Variants in SCARF2 observed in about 807,000 individuals in gnomAD.
SCARF2 encodes the protein scavenger receptor expressed by endothelial cells 2 protein.
In SCARF2, 39 loss-of-function variants were observed where a neutral mutation model predicts 73.4. The ratio of observed to expected loss-of-function variants is 0.53; its 90% CI spans 0.41 to 0.69. The LOEUF (loss-of-function observed/expected upper bound fraction) is 0.69, where lower values mean the gene tolerates loss of function less well. Among genes scored for constraint, SCARF2 ranks in the 30% least tolerant of loss-of-function variants. The pLI is 0.00. For missense variants in SCARF2, 1,148 were observed against 1,303.5 expected (o/e 0.88, Z 1.84); for synonymous variants, 605 against 590.0 (o/e 1.03, Z -0.37).
Position 20,425,707 on chromosome 22 carries a change from C to T in SCARF2, c.2269G>A (p.Gly757Ser). ...GPGLLEPTDAGGPPRSAPEAA... is the reference protein window; with the variant it reads ...GPGLLEPTDASGPPRSAPEAA... ...TCGGGCGCGCTTCGCGGGGGACCGC[C>T]GGCGTCCGTGGGCTCCAAGAGGCCG... is the stretch of plus-strand genomic sequence containing the variant. Residue 757 changes from glycine to serine, a missense_variant, in exon 11 of 11, where the codon GGC (glycine) becomes AGC (serine). Gly to Ser is a moderately conservative substitution (Grantham distance 56). Coordinates refer to ENST00000622235, the MANE Select transcript of SCARF2 (RefSeq NM_182895.5). This position sits in a 1 kb window ranked among gnomAD's most constrained non-coding sequence, Gnocchi z 4.6. 1 of 1,228,478 alleles carries T rather than the reference C, an allele frequency of 8.1e-7. No individual in the cohort carries two copies. Among genetic ancestry groups the T allele is most frequent in the Non-Finnish European group, 1.0e-6 (1 of 987,444 alleles). The allele number at this position is 1,228,478 out of a possible 1,614,324, so 76.1% of individuals were successfully genotyped here.
Position 20,431,180 on chromosome 22 carries a change from C to G in SCARF2, c.692G>C (p.Cys231Ser). Reference protein sequence around the residue: ...PCEQQSGRCQCRERTFGARCD... With the variant: ...PCEQQSGRCQSRERTFGARCD... The stretch of plus-strand genomic sequence containing the variant: ...GCGCGCGCCGAACGTACGCTCGCGG[C>G]ACTGACAGCGGCCGCTCTGCTGCTC... The change falls in exon 4 of 11, where the codon TGC becomes TCC. Residue 231 changes from cysteine to serine, a missense_variant. Transcript: ENST00000622235. 2 of 1,564,734 alleles carry G rather than the reference C, an allele frequency of 1.3e-6. No individual in the cohort carries two copies. The highest frequency in any genetic ancestry group is 1.7e-6 in the Non-Finnish European group (2 of 1,163,962).
intron 1 of SCARF2, among the ~76,000 whole-genome samples, chr22:20,435,264 G>A (rs571510407): frequency 5.9e-5 from 9 of 152,276 alleles, no homozygotes; most frequent in Middle Eastern, 3.4e-3. Flanking sequence ...GAAAAAAGAC[G>A]CTGAGCTCTA....
intron 10 of SCARF2, among the ~76,000 whole-genome samples, chr22:20,427,057 G>C (rs2052586492): frequency 6.6e-6 from 1 of 152,168 alleles, no homozygotes. Flanking sequence ...GCTATCTGTG[G>C]ATCAAAGGCT....
In SCARF2 at chr22:20,431,482, T is replaced by TG; in HGVS notation, c.389dup (p.His131ThrfsTer43). 6.4e-7 allele frequency: 1 copy of TG among 1,573,246 alleles called. No homozygotes were observed. The highest frequency in any genetic ancestry group is 8.6e-7 in the Non-Finnish European group (1 of 1,168,276). ...CTGTCACGTCCTCGCACTGCCCGTG[T>TG]GGGTGGCAGCTACACAGCTCCTTGC... On this transcript the variant is annotated frameshift_variant, in exon 4 of 11. Transcript: ENST00000622235. LOFTEE classifies it high-confidence loss of function.
chr22:20,431,224 G>C lies in SCARF2; in HGVS notation c.648C>G (p.Ala216=). 6.4e-7 allele frequency: 1 copy of C among 1,561,048 alleles called. No homozygotes were observed. The highest frequency in any genetic ancestry group is 8.6e-7 in the Non-Finnish European group (1 of 1,161,820). Residue 216 remains alanine (A), a synonymous_variant, in exon 4 of 11, where the codon GCC becomes GCG. Transcript: ENST00000622235. ...GCTGCTCGCAGGGAGACGAGTTGCAGGCGCACTGGTTGTTGCAGCTGCGGC... is the reference window on the plus strand; with the variant it reads ...GCTGCTCGCAGGGAGACGAGTTGCACGCGCACTGGTTGTTGCAGCTGCGGC... The part of the protein sequence containing the change: ...WWGRSCNNQC[A]CNSSPCEQQS...
chr22:20,436,932 C>T (rs1296099895), intron 1 of SCARF2, among the ~76,000 whole-genome samples: 1 of 152,208 alleles, frequency 6.6e-6, no homozygotes, highest in Non-Finnish European at 1.5e-5. Flanking sequence ...TTGCGCGGCC[C>T]CTTCTTGCAC....
chr22:20,429,285 G>T lies in SCARF2; in HGVS notation c.1480C>A (p.Arg494Ser). The change falls in exon 9 of 11, where the codon CGC becomes AGC. Residue 494 changes from arginine (R) to serine (S), a missense_variant. Physicochemically the swap from Arg to Ser is moderately radical, Grantham distance 110 (BLOSUM62 -1). Transcript: ENST00000622235. The surrounding 1 kb of genome is among the most constrained non-coding windows in gnomAD (Gnocchi z 5.2). The stretch of plus-strand genomic sequence containing the variant: ...ATCCGGGGCAGCTTCATGCTGATGC[G>T]ACTGAAGCGCCCGCATAGTCGGTGC... ...APHRLCGRFS[R>S]ISMKLPRIPL... 6.2e-7 allele frequency: 1 copy of T among 1,613,024 alleles called. No individual in the cohort carries two copies. The highest frequency in any genetic ancestry group is 8.5e-7 in the Non-Finnish European group (1 of 1,179,796).
At chr22:20,431,666 C>T (rs879372483) in intron 3 of SCARF2, 79 bp downstream of exon 3, 46 of 1,511,206 alleles carry the variant, frequency 3.0e-5, no homozygotes, top group Non-Finnish European at 4.0e-5. Flanking sequence ...GCGGATCCGA[C>T]CCCGCCCCAC....
intron 10 of SCARF2, among the ~76,000 whole-genome samples, chr22:20,426,972 C>A (rs2052585607): frequency 6.6e-6 from 1 of 151,814 alleles, no homozygotes; most frequent in Non-Finnish European, 1.5e-5. Context: ...CTGAGTTGGT[C>A]ACCTGCCCGT....
chr22:20,429,545 G>A lies in SCARF2; in HGVS notation c.1415C>T (p.Pro472Leu). 6.2e-7 allele frequency: 1 copy of A among 1,612,846 alleles called. No homozygotes were observed. The highest frequency in any genetic ancestry group is 1.3e-5 in the African/African-American group (1 of 75,042). ...GCCCACRGKDPTRRELSLGRK... is the reference protein window; with the variant it reads ...GCCCACRGKDLTRRELSLGRK... ...CAGTATCTGGGCTCACCGGCGCGTA[G>A]GGTCCTTGCCGCGGCAAGCGCAGCA... The change falls in exon 8 of 11, where the codon CCT becomes CTT. Residue 472 changes from proline to leucine, a missense_variant. Pro to Leu is a moderately conservative substitution (Grantham distance 98). Coordinates refer to ENST00000622235, the MANE Select transcript of SCARF2 (RefSeq NM_182895.5). The surrounding 1 kb of genome is among the most constrained non-coding windows in gnomAD (Gnocchi z 5.2).
Position 20,437,612 on chromosome 22 carries a change from G to A in SCARF2, c.143C>T (p.Pro48Leu), listed in dbSNP as rs567326927. The A allele has an allele frequency of 1.5e-5, 24 of 1,571,928 alleles. 1 individual carries two copies. The highest frequency in any genetic ancestry group is 1.9e-4 in the Middle Eastern group (1 of 5,148). The change falls in exon 1 of 11, where the codon CCT (proline) becomes CTT (leucine). Residue 48 changes from proline (P) to leucine (L), a missense_variant. By Grantham distance (98) the Pro-to-Leu change is moderately conservative. Coordinates refer to ENST00000622235, the MANE Select transcript of SCARF2 (RefSeq NM_182895.5). ...AGCACGGCACACGTTGCGGCCGCGA[G>A]GGTTCAGTTCCTGAGGCGCCACGGT... is the stretch of plus-strand genomic sequence containing the variant. Reference protein sequence around the residue: ...PDTVAPQELNPRGRNVCRAPG... With the variant: ...PDTVAPQELNLRGRNVCRAPG...
At position 20,429,600 on chromosome 22, in the gene SCARF2, C is replaced by T. The variant is rs369860412; in HGVS notation, c.1360G>A (p.Val454Ile). The T allele has an allele frequency of 3.7e-6, 6 of 1,613,460 alleles. No individual in the cohort carries two copies. The African/African-American group carries it at 5.3e-5, about 14-fold the overall frequency. ...CCGAGCAGCGAGAGCAGCAGGCAGA[C>T]GAGCAGGACGAGCAGCGCGCCCGCG... ...MGAGALLVLL[V>I]CLLLSLLGCC... Residue 454 changes from valine to isoleucine, a missense_variant, in exon 8 of 11, where the codon GTC (valine) becomes ATC (isoleucine). This residue lies in a region of SCARF2 where 437 missense variants were observed against 433.6 expected (regional missense o/e 1.01). Transcript: ENST00000622235. This position sits in a 1 kb window ranked among gnomAD's most constrained non-coding sequence, Gnocchi z 5.2.
At chr22:20,433,973 G>T (rs1021817275) in intron 1 of SCARF2, among the ~76,000 whole-genome samples, 1 of 152,240 alleles carries the variant, frequency 6.6e-6, no homozygotes, top group Non-Finnish European at 1.5e-5. Flanking sequence ...CTGGACATAA[G>T]GCTCTGTGGC....
At chr22:20,435,812 C>G (rs1327555247) in intron 1 of SCARF2, among the ~76,000 whole-genome samples, 2 of 152,180 alleles carry the variant, frequency 1.3e-5, no homozygotes, top group Non-Finnish European at 2.9e-5. Context: ...TCCTCTGCCA[C>G]AGGGTCAGGG....
Position 20,429,556 on chromosome 22 carries a change from G to A in SCARF2, c.1404C>T (p.Arg468=). ...LSLLGCCCAC[R]GKDPTRRELS... ...CTCACCGGCGCGTAGGGTCCTTGCCGCGGCAAGCGCAGCAGCAGCCGAGCA... is the reference window on the plus strand; with the variant it reads ...CTCACCGGCGCGTAGGGTCCTTGCCACGGCAAGCGCAGCAGCAGCCGAGCA... The change falls in exon 8 of 11, where the codon CGC becomes CGT. Residue 468 remains arginine (R), a synonymous_variant. Transcript: ENST00000622235. The surrounding 1 kb of genome is among the most constrained non-coding windows in gnomAD (Gnocchi z 5.2). The A allele has an allele frequency of 6.2e-7, 1 of 1,613,000 alleles. No homozygotes were observed. Among genetic ancestry groups the A allele is most frequent in the Middle Eastern group, 1.7e-4 (1 of 6,028 alleles).
At chr22:20,433,539 A>C (rs2052669153) in intron 1 of SCARF2, among the ~76,000 whole-genome samples, 1 of 152,182 alleles carries the variant, frequency 6.6e-6, no homozygotes, top group Non-Finnish European at 1.5e-5. Context: ...GCCATTCCCC[A>C]GCTAGACAGA....
At chr22:20,428,807 G>C (rs1202819205) in intron 9 of SCARF2, among the ~76,000 whole-genome samples, 2 of 152,152 alleles carry the variant, frequency 1.3e-5, no homozygotes, top group African/African-American at 4.8e-5. Context: ...GGATCTCTGG[G>C]TACTGCTGGG....
chr22:20,426,195 G>A lies in SCARF2; in HGVS notation c.1781C>T (p.Ala594Val), dbSNP rs2052576474. 8 of 1,517,940 alleles carry A rather than the reference G, an allele frequency of 5.3e-6. No individual in the cohort carries two copies. Among genetic ancestry groups the A allele is most frequent in the South Asian group, 1.2e-5 (1 of 81,954 alleles). 94.0% of individuals were successfully genotyped at this position (1,517,940 alleles called of 1,614,324 possible). ...APSPVPLTTPASAEEAIPLPA... is the reference protein window; with the variant it reads ...APSPVPLTTPVSAEEAIPLPA... The stretch of plus-strand genomic sequence containing the variant: ...GAGGGGTATCGCCTCCTCGGCGGAG[G>A]CTGGCGTGGTCAAGGGCACAGGGGA... The change falls in exon 11 of 11, where the codon GCC becomes GTC. Residue 594 changes from alanine (A) to valine (V), a missense_variant. Coordinates refer to ENST00000622235, the MANE Select transcript of SCARF2 (RefSeq NM_182895.5).
rs529489817 is a variant in SCARF2, at chr22:20,429,400, A to C, written c.1425-60T>G. 1.9e-6 allele frequency: 3 copies of C among 1,556,390 alleles called. No homozygotes were observed. The African/African-American group carries it at 4.1e-5, about 21-fold the overall frequency. On this transcript the variant is annotated intron_variant, in intron 8 of 10. Coordinates refer to ENST00000622235, the MANE Select transcript of SCARF2 (RefSeq NM_182895.5). This position sits in a 1 kb window ranked among gnomAD's most constrained non-coding sequence, Gnocchi z 5.2. ...CGGGGCGGGGCCCAGGGGCGATTAG[A>C]TCTCGGCCGGAGCCAAGCACAGAAG...
Sources: allele counts gnomAD v4.1 joint callset (sites outside exome capture counted in the v4.1 genomes callset), GRCh38; gene constraint gnomAD v4.1.1; regional missense constraint gnomAD v4.1.1; non-coding constraint Gnocchi (gnomAD v3.1); transcripts MANE v1.5; gene names NCBI Gene and HGNC (gene_info 2026-07-23, HGNC 2026-07-21).